CNTNAP5: variants seen among roughly 807,000 people sequenced by gnomAD.
The protein encoded by CNTNAP5 is contactin associated protein family member 5.
CNTNAP5 carries 72 observed loss-of-function variants against 150.2 expected under a neutral mutation model. That is an observed-to-expected ratio of 0.48 (90% CI 0.40 to 0.58). The LOEUF (loss-of-function observed/expected upper bound fraction) is 0.58, where lower values mean the gene tolerates loss of function less well. Among genes scored for constraint, CNTNAP5 ranks in the 20% least tolerant of loss-of-function variants. The pLI is 0.00. For synonymous variants in CNTNAP5, 672 were observed against 619.8 expected (o/e 1.08, Z -1.25); for missense variants, 1,636 against 1,626.2 (o/e 1.01, Z -0.10).
intron 13 of CNTNAP5, among the ~76,000 whole-genome samples, chr2:124,659,760 G>A (rs569650720): frequency 1.1e-4 from 17 of 152,240 alleles, no homozygotes; most frequent in African/African-American, 4.1e-4. Flanking sequence ...ATGTGAGCAA[G>A]GTATACAGGG....
intron 1 of CNTNAP5, among the ~76,000 whole-genome samples, chr2:124,097,365 C>T (rs891353386): frequency 2.0e-5 from 3 of 152,142 alleles, no homozygotes; most frequent in Non-Finnish European, 4.4e-5. Context: ...GCTTTCTAAT[C>T]GTCCTCTCAA....
At chr2:124,707,710 A>G (rs1679720564) in intron 13 of CNTNAP5, among the ~76,000 whole-genome samples, 1 of 151,818 alleles carries the variant, frequency 6.6e-6, no homozygotes, top group Non-Finnish European at 1.5e-5. Flanking sequence ...CAAACCTAAC[A>G]CCTCTCTACC....
chr2:124,197,858 G>A (rs1382524769), intron 1 of CNTNAP5, among the ~76,000 whole-genome samples: 1 of 151,926 alleles, frequency 6.6e-6, no homozygotes, highest in Non-Finnish European at 1.5e-5. Flanking sequence ...GCGGGTGCCT[G>A]TAGTCCCAGC....
chr2:124,029,691 C>A (rs529883804), intron 1 of CNTNAP5, among the ~76,000 whole-genome samples: 22 of 152,094 alleles, frequency 1.4e-4, no homozygotes, highest in African/African-American at 5.1e-4. Context: ...TCATTGCTTT[C>A]TTTACTGGAT....
At chr2:124,458,214 A>T (rs12473056) in intron 6 of CNTNAP5, among the ~76,000 whole-genome samples, 4 of 140,526 alleles carry the variant, frequency 2.8e-5, no homozygotes, top group African/African-American at 5.2e-5. Context: ...ATATATATAT[A>T]ATATATATAA....
intron 1 of CNTNAP5, among the ~76,000 whole-genome samples, chr2:124,194,674 G>A (rs890243226): frequency 8.7e-5 from 13 of 150,090 alleles, no homozygotes; most frequent in Non-Finnish European, 1.8e-4. Flanking sequence ...TTATAACAAT[G>A]AAATAATAAT....
intron 7 of CNTNAP5, among the ~76,000 whole-genome samples, chr2:124,502,681 G>T (rs1694304496): frequency 6.6e-6 from 1 of 152,174 alleles, no homozygotes; most frequent in African/African-American, 2.4e-5. Flanking sequence ...CAATGAGTTG[G>T]CCATCATTGG....
chr2:124,092,427 T>C (rs1307060754), intron 1 of CNTNAP5, among the ~76,000 whole-genome samples: 3 of 152,326 alleles, frequency 2.0e-5, no homozygotes, highest in African/African-American at 7.2e-5. Context: ...ACAAACATTC[T>C]CAGCCCGCAG....
intron 3 of CNTNAP5, among the ~76,000 whole-genome samples, chr2:124,356,010 G>A (rs1054993178): frequency 6.6e-6 from 1 of 152,116 alleles, no homozygotes; most frequent in Non-Finnish European, 1.5e-5. Flanking sequence ...AGTGTTAAGA[G>A]TAGGTAAGAA....
intron 19 of CNTNAP5, among the ~76,000 whole-genome samples, chr2:124,799,400 T>C (rs1681917796): frequency 6.6e-6 from 1 of 152,294 alleles, no homozygotes; most frequent in Middle Eastern, 3.4e-3. Flanking sequence ...CACTATTAGA[T>C]CAAAAACTTA....
At position 124,250,252 on chromosome 2, in the gene CNTNAP5, G is replaced by A. The variant is rs948091508; in HGVS notation, c.381+7859G>A. On this transcript the variant is annotated intron_variant, in intron 3 of 23. Coordinates refer to ENST00000682447, the MANE Select transcript of CNTNAP5 (RefSeq NM_001367498.1). The stretch of plus-strand genomic sequence containing the variant: ...GCAGAAAGCATTCAGTAGACCTAGG[G>A]TGGGACTGAGAATTTGCTTTTGTAA... 3.3e-5 allele frequency among the ~76,000 whole-genome samples: 5 copies of A among 152,268 alleles called. No individual in the cohort carries two copies. The East Asian group carries it at 7.7e-4, about 24-fold the overall frequency.
chr2:124,249,961 TTGTG>T (rs36078434), intron 3 of CNTNAP5, among the ~76,000 whole-genome samples: 1,970 of 118,664 alleles, frequency 0.017, 42 homozygotes, highest in African/African-American at 0.064. Flanking sequence ...ATGAATTCTT[TTGTG>T]TGTGTGTGTG....
chr2:124,353,971 T>A (rs1477012896), intron 3 of CNTNAP5, among the ~76,000 whole-genome samples: 2 of 152,132 alleles, frequency 1.3e-5, no homozygotes, highest in African/African-American at 4.8e-5. Context: ...ATGCCACCTG[T>A]CAGGCAGATG....
At chr2:124,716,726 T>C (rs1324146901) in intron 13 of CNTNAP5, among the ~76,000 whole-genome samples, 2 of 152,128 alleles carry the variant, frequency 1.3e-5, no homozygotes, top group African/African-American at 4.8e-5. Context: ...ATTTTTAGAA[T>C]AGGCAACTGC....
chr2:124,230,564 C>T (rs1686590605), intron 2 of CNTNAP5, among the ~76,000 whole-genome samples: 1 of 151,380 alleles, frequency 6.6e-6, no homozygotes, highest in Non-Finnish European at 1.5e-5. Flanking sequence ...CAGAGTCTCA[C>T]TCTGTCACCC....
intron 13 of CNTNAP5, among the ~76,000 whole-genome samples, chr2:124,717,392 A>G (rs551455798): frequency 6.6e-6 from 1 of 152,300 alleles, no homozygotes; most frequent in East Asian, 1.9e-4. Flanking sequence ...GCATATAACC[A>G]TAGCACTTTA....
chr2:124,192,047 C>A (rs1455632285), intron 1 of CNTNAP5, among the ~76,000 whole-genome samples: 2 of 152,212 alleles, frequency 1.3e-5, no homozygotes, highest in Admixed American at 6.5e-5. Flanking sequence ...TGTGTTCTTT[C>A]ATTCCCATGA....
At chr2:124,237,857 C>T (rs1191523184) in intron 2 of CNTNAP5, among the ~76,000 whole-genome samples, 1 of 151,966 alleles carries the variant, frequency 6.6e-6, no homozygotes, top group Non-Finnish European at 1.5e-5. Context: ...ACAACAACAG[C>T]AACAACAACA....
chr2:124,123,889 A>G (rs1683625965), intron 1 of CNTNAP5, among the ~76,000 whole-genome samples: 1 of 152,168 alleles, frequency 6.6e-6, no homozygotes, highest in African/African-American at 2.4e-5. Flanking sequence ...CATCCACACC[A>G]AAATCCCATC....
Sources: gnomAD v4.1 joint callset for allele counts (sites outside exome capture counted in the v4.1 genomes callset) on GRCh38, gnomAD v4.1.1 for gene constraint, MANE v1.5 for transcripts, NCBI Gene and HGNC (gene_info 2026-07-23, HGNC 2026-07-21) for gene names.